Variants in PTPRN2 observed in about 807,000 individuals in gnomAD.
PTPRN2 encodes receptor-type tyrosine-protein phosphatase N2.
In PTPRN2, 74 loss-of-function variants were observed where a neutral mutation model predicts 118.8. The ratio of observed to expected loss-of-function variants is 0.62; its 90% CI spans 0.52 to 0.76. The LOEUF (loss-of-function observed/expected upper bound fraction) is 0.76, where lower values mean the gene tolerates loss of function less well. PTPRN2 is among the 30% of genes least tolerant of loss of function. The pLI is 0.00. For missense variants in PTPRN2, 1,481 were observed against 1,394.4 expected, an observed-to-expected ratio of 1.06 and a Z score of -0.99; for synonymous variants, 641 against 608.0, an observed-to-expected ratio of 1.05 and a Z score of -0.80.
At chr7:157,575,421 G>A (rs1483020139) in intron 19 of PTPRN2, among the ~76,000 whole-genome samples, 2 of 152,220 alleles carry the variant, frequency 1.3e-5, no homozygotes, top group East Asian at 3.8e-4. Context: ...GCGTCCCCAG[G>A]GGAGGTGACG....
chr7:158,560,509 C>A (rs1297332508), intron 1 of PTPRN2, among the ~76,000 whole-genome samples: 1 of 152,238 alleles, frequency 6.6e-6, no homozygotes, highest in Admixed American at 6.5e-5. Flanking sequence ...TCTTTGAGAC[C>A]CTACTAAGTG....
chr7:158,261,630 C>A (rs573967403), intron 3 of PTPRN2, among the ~76,000 whole-genome samples: 2 of 152,110 alleles, frequency 1.3e-5, no homozygotes, highest in South Asian at 4.1e-4. Flanking sequence ...ATAGAGCACA[C>A]GAAGAGGATA....
chr7:158,077,431 G>A (rs1177498375), intron 11 of PTPRN2, among the ~76,000 whole-genome samples: 1 of 152,198 alleles, frequency 6.6e-6, no homozygotes, highest in African/African-American at 2.4e-5. Flanking sequence ...AACAATGGCA[G>A]CTGAATGCCG....
intron 12 of PTPRN2, among the ~76,000 whole-genome samples, chr7:157,812,168 C>T (rs1437906680): frequency 1.3e-5 from 2 of 152,172 alleles, no homozygotes; most frequent in African/African-American, 4.8e-5. Flanking sequence ...CTGGCCAAGG[C>T]AGGGGCACCC....
chr7:157,562,280 G>A (rs1383022974), intron 21 of PTPRN2, among the ~76,000 whole-genome samples: 1 of 152,194 alleles, frequency 6.6e-6, no homozygotes, highest in Non-Finnish European at 1.5e-5. Flanking sequence ...GGAGAAAATG[G>A]AGCGGGGAGA....
At chr7:158,524,317 AGTGGAG>A (rs1824582321) in intron 1 of PTPRN2, among the ~76,000 whole-genome samples, 1 of 58,302 alleles carries the variant, frequency 1.7e-5, no homozygotes, top group Non-Finnish European at 3.3e-5. Flanking sequence ...TCGGCCCTGG[AGTGGAG>A]TCTGCCCTGG....
intron 10 of PTPRN2, among the ~76,000 whole-genome samples, chr7:158,086,629 G>A (rs1813435514): frequency 6.6e-6 from 1 of 152,152 alleles, no homozygotes; most frequent in South Asian, 2.1e-4. Context: ...GGAAAATGTG[G>A]CACTCAATAG....
chr7:158,303,168 C>CAA (rs542953447), intron 3 of PTPRN2, among the ~76,000 whole-genome samples: 3,195 of 119,850 alleles, frequency 0.027, 114 homozygotes, highest in African/African-American at 0.091. Flanking sequence ...ACTAACCCAC[C>CAA]AAAAAAAAAA....
chr7:157,987,077 C>G lies in PTPRN2; in HGVS notation c.1724-88340G>C, dbSNP rs1425354390. ...TCTAGGGAGTGATGATCCCCCTCCA[C>G]CAGCCAGTGGGGAATGAGCCCGTGA... On this transcript the variant is annotated intron_variant, in intron 11 of 22. Coordinates refer to ENST00000389418, the MANE Select transcript of PTPRN2 (RefSeq NM_002847.5). This position sits in a 1 kb window ranked among gnomAD's most constrained non-coding sequence, Gnocchi z 4.3. 1.3e-5 allele frequency among the ~76,000 whole-genome samples: 2 copies of G among 152,168 alleles called. No homozygotes were observed. Among genetic ancestry groups the G allele is most frequent in the Non-Finnish European group, 2.9e-5 (2 of 68,020 alleles).
In PTPRN2 at chr7:157,618,257, G is replaced by A. The variant is rs547470139; in HGVS notation, c.2344+3105C>T. On this transcript the variant is annotated intron_variant, in intron 15 of 22. Transcript: ENST00000389418. The surrounding 1 kb of genome is among the most constrained non-coding windows in gnomAD (Gnocchi z 4.2). ...TCCCGAGGACCCTTTCCATAGACCT[G>A]GGAGTTCCCGGTGAGCACGCGGAAA... 6.6e-6 allele frequency: 1 copy of A among 152,474 alleles called. No homozygotes were observed. Among genetic ancestry groups the A allele is most frequent in the Admixed American group, 6.5e-5 (1 of 15,312 alleles). The allele number at this position is 152,474 out of a possible 1,614,324, so 9.4% of individuals were successfully genotyped here.
intron 1 of PTPRN2, among the ~76,000 whole-genome samples, chr7:158,492,498 T>A (rs562366106): frequency 6.6e-6 from 1 of 152,346 alleles, no homozygotes; most frequent in African/African-American, 2.4e-5. Context: ...TCTTGGATCC[T>A]GACCTTGGAA....
intron 1 of PTPRN2, among the ~76,000 whole-genome samples, chr7:158,532,359 C>T (rs934540833): frequency 2.6e-5 from 4 of 152,196 alleles, no homozygotes; most frequent in Admixed American, 2.6e-4. Flanking sequence ...ACTGTCAGCC[C>T]CCAGCGTGGC....
Position 157,578,083 on chromosome 7 carries a change from C to T in PTPRN2, c.2554G>A (p.Gly852Ser), listed in dbSNP as rs373071385. ...IVMLTPLAEN[G>S]VRQCYHYWPD... ...CAGTAGTGGTAGCACTGCCGGACGC[C>T]GTTCTCCGCGAGGGGTGTCAGCATG... is the stretch of plus-strand genomic sequence containing the variant. The change falls in exon 18 of 23, where the codon GGC becomes AGC. Residue 852 changes from glycine (G) to serine (S), a missense_variant. Gly to Ser is a moderately conservative substitution (Grantham distance 56). Coordinates refer to ENST00000389418, the MANE Select transcript of PTPRN2 (RefSeq NM_002847.5). The T allele has an allele frequency of 5.5e-5, 89 of 1,613,608 alleles. No individual in the cohort carries two copies. The highest frequency in any genetic ancestry group is 3.9e-4 in the African/African-American group (29 of 75,052).
chr7:158,356,437 T>G (rs1464242625), intron 2 of PTPRN2, among the ~76,000 whole-genome samples: 1 of 152,240 alleles, frequency 6.6e-6, no homozygotes, highest in Non-Finnish European at 1.5e-5. Context: ...CATTCCCACT[T>G]CAAATTCATC....
chr7:158,289,080 T>A (rs1401155884), intron 3 of PTPRN2, among the ~76,000 whole-genome samples: 1 of 152,160 alleles, frequency 6.6e-6, no homozygotes, highest in Non-Finnish European at 1.5e-5. Flanking sequence ...TTGCTTCTTT[T>A]CTCTCACTGC....
At chr7:157,792,076 G>A (rs1804542198) in intron 12 of PTPRN2, among the ~76,000 whole-genome samples, 2 of 152,358 alleles carry the variant, frequency 1.3e-5, no homozygotes, top group East Asian at 1.9e-4. Flanking sequence ...AAAGTTGGGC[G>A]AAGTGGCCCC....
At chr7:157,653,018 T>G (rs1805774796) in intron 14 of PTPRN2, among the ~76,000 whole-genome samples, 1 of 152,146 alleles carries the variant, frequency 6.6e-6, no homozygotes, top group Admixed American at 6.5e-5. Context: ...CAGCCCCGCC[T>G]GAAGGTCTGG....
intron 11 of PTPRN2, among the ~76,000 whole-genome samples, chr7:157,957,225 C>T (rs1303739627): frequency 6.6e-6 from 1 of 152,304 alleles, no homozygotes; most frequent in South Asian, 2.1e-4. Context: ...ATGTGCACTT[C>T]CCAGAATCTG....
At chr7:158,332,944 T>C in intron 2 of PTPRN2, among the ~76,000 whole-genome samples, 1 of 143,932 alleles carries the variant, frequency 6.9e-6, no homozygotes, top group Admixed American at 6.9e-5. Flanking sequence ...CCTGCAGACA[T>C]CACTCACACC....
Sources: allele counts gnomAD v4.1 joint callset (sites outside exome capture counted in the v4.1 genomes callset), GRCh38; gene constraint gnomAD v4.1.1; non-coding constraint Gnocchi (gnomAD v3.1); transcripts MANE v1.5; gene names NCBI Gene and HGNC (gene_info 2026-07-23, HGNC 2026-07-21).